SLMAP: variants seen among roughly 807,000 people sequenced by gnomAD.
SLMAP encodes the protein sarcolemmal membrane-associated protein.
In SLMAP, 44 loss-of-function variants were observed where a neutral mutation model predicts 128.8. The ratio of observed to expected loss-of-function variants is 0.34; its 90% CI spans 0.27 to 0.44. The LOEUF is 0.44. SLMAP is among the 20% of genes least tolerant of loss of function. The pLI is 1.00. For missense variants in SLMAP, 787 were observed against 985.3 expected, an observed-to-expected ratio of 0.80 and a Z score of 2.69; for synonymous variants, 327 against 348.8, an observed-to-expected ratio of 0.94 and a Z score of 0.70.
chr3:57,814,437 A>G (rs1047483501), intron 2 of SLMAP, among the ~76,000 whole-genome samples: 4 of 152,096 alleles, frequency 2.6e-5, no homozygotes, highest in African/African-American at 9.7e-5. Context: ...CACCGTGCCC[A>G]GTCCTCTGAG....
intron 2 of SLMAP, among the ~76,000 whole-genome samples, chr3:57,767,565 T>C (rs1386239301): frequency 1.3e-5 from 2 of 152,268 alleles, no homozygotes; most frequent in African/African-American, 4.8e-5. Flanking sequence ...TGAAATTATA[T>C]ATATGAACTA....
At position 57,858,228 on chromosome 3, in the gene SLMAP, T is replaced by C. The variant is rs937936514; in HGVS notation, c.687+69T>C. 2.1e-5 allele frequency: 19 copies of C among 895,304 alleles called. No homozygotes were observed. In the African/African-American group the frequency reaches 3.0e-4, roughly 14 times the overall value. The allele number at this position is 895,304 out of a possible 1,614,324, so 55.5% of individuals were successfully genotyped here. Reference sequence around the variant, plus strand: ...TTATGTAACATCATTTCTTTGACTATCATTTTGAGTATATGCTAAAAACTT... The same window carrying C: ...TTATGTAACATCATTTCTTTGACTACCATTTTGAGTATATGCTAAAAACTT... On this transcript the variant is annotated intron_variant, in intron 8 of 24. Coordinates refer to ENST00000671191, the MANE Select transcript of SLMAP (RefSeq NM_001377540.1).
chr3:57,795,776 A>T (rs1476532197), intron 2 of SLMAP, among the ~76,000 whole-genome samples: 1 of 151,942 alleles, frequency 6.6e-6, no homozygotes, highest in South Asian at 2.1e-4. Flanking sequence ...CATTTCCAGA[A>T]CTTTTTCATC....
intron 17 of SLMAP, among the ~76,000 whole-genome samples, chr3:57,905,331 G>C (rs987092632): frequency 6.6e-6 from 1 of 151,992 alleles, no homozygotes; most frequent in Non-Finnish European, 1.5e-5. Flanking sequence ...GCCCAGGCTG[G>C]AGTGCAGTGG....
At chr3:57,759,008 G>T (rs944012328) in intron 2 of SLMAP, among the ~76,000 whole-genome samples, 1 of 152,182 alleles carries the variant, frequency 6.6e-6, no homozygotes, top group South Asian at 2.1e-4. Flanking sequence ...AGAAACCTGA[G>T]CCTCAAAAGG....
At chr3:57,771,585 G>C (rs1033680738) in intron 2 of SLMAP, among the ~76,000 whole-genome samples, 1 of 151,812 alleles carries the variant, frequency 6.6e-6, no homozygotes, top group African/African-American at 2.4e-5. Flanking sequence ...GCTGGAATAC[G>C]GTGCAGTCAC....
chr3:57,863,080 G>T (rs1457964706), intron 10 of SLMAP, among the ~76,000 whole-genome samples: 2 of 152,136 alleles, frequency 1.3e-5, no homozygotes, highest in Admixed American at 6.5e-5. Flanking sequence ...CATCTAAAAG[G>T]CAGGGCCCAG....
intron 14 of SLMAP, among the ~76,000 whole-genome samples, chr3:57,873,968 C>G (rs2095544232): frequency 6.6e-6 from 1 of 151,946 alleles, no homozygotes; most frequent in African/African-American, 2.4e-5. Flanking sequence ...TAAAAATACA[C>G]AAAATTAGCT....
At chr3:57,845,817 G>A (rs889635354) in intron 4 of SLMAP, among the ~76,000 whole-genome samples, 1 of 151,812 alleles carries the variant, frequency 6.6e-6, no homozygotes, top group Non-Finnish European at 1.5e-5. Context: ...TAACTCCATG[G>A]AATTGGTTGT....
intron 14 of SLMAP, among the ~76,000 whole-genome samples, chr3:57,881,267 T>C (rs1008282077): frequency 3.3e-5 from 5 of 152,060 alleles, no homozygotes; most frequent in Admixed American, 6.5e-5. Flanking sequence ...CCAAGTTAGA[T>C]AGGTCTTTGA....
intron 2 of SLMAP, among the ~76,000 whole-genome samples, chr3:57,799,204 G>C (rs2087555192): frequency 6.6e-6 from 1 of 152,136 alleles, no homozygotes; most frequent in South Asian, 2.1e-4. Flanking sequence ...GATGTTAAAG[G>C]ATATTCTTTG....
At chr3:57,927,178 G>T in intron 24 of SLMAP, 118 bp from the exon 25 acceptor site, 1 of 488,324 alleles carries the variant, frequency 2.0e-6, no homozygotes. Context: ...TTATGATGCA[G>T]AAATAAGATT....
At chr3:57,808,370 T>C (rs1483267949) in intron 2 of SLMAP, among the ~76,000 whole-genome samples, 2 of 152,196 alleles carry the variant, frequency 1.3e-5, no homozygotes, top group Non-Finnish European at 2.9e-5. Context: ...TTTGAGATCC[T>C]TCTAGCTTTC....
intron 17 of SLMAP, among the ~76,000 whole-genome samples, chr3:57,903,563 C>G (rs1043548125): frequency 2.0e-5 from 3 of 152,154 alleles, no homozygotes; most frequent in African/African-American, 7.2e-5. Flanking sequence ...TCCAGTCACT[C>G]TTTTGAAGAT....
At chr3:57,769,589 G>A (rs1454466676) in intron 2 of SLMAP, among the ~76,000 whole-genome samples, 1 of 152,106 alleles carries the variant, frequency 6.6e-6, no homozygotes, top group South Asian at 2.1e-4. Flanking sequence ...CTCCCAAAGT[G>A]TTAGGATTAC....
At chr3:57,872,266 C>T (rs1053915566) in intron 14 of SLMAP, among the ~76,000 whole-genome samples, 1 of 152,140 alleles carries the variant, frequency 6.6e-6, no homozygotes, top group Non-Finnish European at 1.5e-5. Context: ...CGCACCATTG[C>T]ACTCCAGGCT....
Position 57,860,820 on chromosome 3 carries a change from G to C in SLMAP, c.809G>C (p.Arg270Thr), listed in dbSNP as rs1211281068. The change falls in exon 9 of 25, where the codon AGA (arginine) becomes ACA (threonine). Residue 270 changes from arginine (R) to threonine (T), a missense_variant. Physicochemically the swap from Arg to Thr is moderately conservative, Grantham distance 71. Around this residue, in one of 2 missense-constraint regions of SLMAP, gnomAD observed 715 missense variants for 843.6 expected, o/e 0.85. Transcript: ENST00000671191. ...CTTCAGGAGAAAATTGAAGTGGTTA[G>C]AAAACTTTCAGAAGTTGAGGTATTT... ...RVLQEKIEVV[R>T]KLSEVERSLS... 4 of 1,586,556 alleles carry C rather than the reference G, an allele frequency of 2.5e-6. No homozygotes were observed. The highest frequency in any genetic ancestry group is 3.4e-6 in the Non-Finnish European group (4 of 1,172,576).
chr3:57,786,552 C>CTTTTTT (rs34574598), intron 2 of SLMAP, among the ~76,000 whole-genome samples: 1 of 129,970 alleles, frequency 7.7e-6, no homozygotes, highest in Non-Finnish European at 1.7e-5. Context: ...AATTATATAG[C>CTTTTTT]TTTTTTTTTT....
chr3:57,920,921 G>A (rs1239388734), intron 22 of SLMAP, among the ~76,000 whole-genome samples: 1 of 152,084 alleles, frequency 6.6e-6, no homozygotes, highest in African/African-American at 2.4e-5. Context: ...GAGGGCTAAG[G>A]CACAAGAATC....
Sources: allele counts gnomAD v4.1 joint callset (sites outside exome capture counted in the v4.1 genomes callset), GRCh38; gene constraint gnomAD v4.1.1; regional missense constraint gnomAD v4.1.1; transcripts MANE v1.5; gene names NCBI Gene and HGNC (gene_info 2026-07-23, HGNC 2026-07-21).